Variants in PTBP3 observed in about 807,000 individuals in gnomAD.
The protein encoded by PTBP3 is polypyrimidine tract-binding protein 3.
PTBP3 carries 20 observed loss-of-function variants against 58.7 expected under a neutral mutation model. The ratio of observed to expected loss-of-function variants is 0.34; its 90% CI spans 0.24 to 0.50. The LOEUF (loss-of-function observed/expected upper bound fraction) is 0.50, where lower values mean the gene tolerates loss of function less well. PTBP3 is among the 20% of genes least tolerant of loss of function. PTBP3 has a pLI of 0.98. For synonymous variants in PTBP3, 185 were observed against 219.8 expected, an observed-to-expected ratio of 0.84 and a Z score of 1.40; for missense variants, 509 against 637.2, an observed-to-expected ratio of 0.80 and a Z score of 2.17.
chr9:112,312,117 A>C (rs766443980), intron 1 of PTBP3, among the ~76,000 whole-genome samples: 7 of 152,352 alleles, frequency 4.6e-5, no homozygotes, highest in Middle Eastern at 3.4e-3. Flanking sequence ...GTTAAAGAAT[A>C]AACTCTAGTC....
chr9:112,275,445 T>C (rs890136652), intron 3 of PTBP3, among the ~76,000 whole-genome samples: 4 of 152,218 alleles, frequency 2.6e-5, no homozygotes, highest in Non-Finnish European at 5.9e-5. Flanking sequence ...GACAATACTA[T>C]ACATTTTTAT....
intron 2 of PTBP3, among the ~76,000 whole-genome samples, chr9:112,290,025 A>C (rs906972646): frequency 6.6e-6 from 1 of 152,238 alleles, no homozygotes; most frequent in Admixed American, 6.5e-5. Flanking sequence ...AACATTTCTA[A>C]TAAGATGCAA....
chr9:112,284,478 T>G (rs1363981462), intron 2 of PTBP3, among the ~76,000 whole-genome samples: 1 of 152,144 alleles, frequency 6.6e-6, no homozygotes, highest in Non-Finnish European at 1.5e-5. Context: ...GGCAGATCAC[T>G]TGAGGCTGGG....
chr9:112,264,795 T>C (rs890755544), intron 4 of PTBP3, among the ~76,000 whole-genome samples: 2 of 152,224 alleles, frequency 1.3e-5, no homozygotes, highest in Non-Finnish European at 1.5e-5. Flanking sequence ...TCATTTAGGC[T>C]GGCTTTGGTT....
chr9:112,358,145 T>TA, the PTBP3 span, among the ~76,000 whole-genome samples: 3 of 151,682 alleles, frequency 2.0e-5, no homozygotes, highest in Admixed American at 6.6e-5. Context: ...CTGTCTCTAC[T>TA]AAAAAAAATA....
At chr9:112,252,490 C>T (rs534287247) in intron 6 of PTBP3, 188 bp downstream of exon 6, 1 of 567,024 alleles carries the variant, frequency 1.8e-6, no homozygotes, top group South Asian at 2.1e-5. Context: ...GAGACCGTTT[C>T]ATATGAAGTA....
At chr9:112,282,318 AAAC>A (rs1202632767) in intron 2 of PTBP3, among the ~76,000 whole-genome samples, 2 of 152,238 alleles carry the variant, frequency 1.3e-5, no homozygotes, top group Admixed American at 6.5e-5. Flanking sequence ...TTTACCACAT[AAAC>A]AACTACTGGT....
chr9:112,339,468 G>A, the PTBP3 span, among the ~76,000 whole-genome samples: 1,162 of 151,830 alleles, frequency 7.7e-3, 20 homozygotes, highest in African/African-American at 0.027. Context: ...TAACCTAGAA[G>A]TCTCCCAGAC....
chr9:112,339,261 A>T, the PTBP3 span, among the ~76,000 whole-genome samples: 2 of 132,308 alleles, frequency 1.5e-5, no homozygotes, highest in African/African-American at 2.8e-5. Context: ...ACTGCACTCC[A>T]GTCTGCCTGA....
intron 2 of PTBP3, among the ~76,000 whole-genome samples, chr9:112,290,738 A>ACACACACACACACACACACACT (rs1564438731): frequency 1.3e-5 from 2 of 148,494 alleles, no homozygotes; most frequent in African/African-American, 5.0e-5. Context: ...ACACACACAC[A>ACACACACACACACACACACACT]ATCAAGTGTT....
the PTBP3 span, among the ~76,000 whole-genome samples, chr9:112,354,916 T>C: frequency 1.3e-5 from 2 of 152,200 alleles, no homozygotes; most frequent in African/African-American, 4.8e-5. Context: ...GTCAAATGTT[T>C]CTCTTTCTCA....
At chr9:112,336,513 G>T (rs531161265), upstream of PTBP3, among the ~76,000 whole-genome samples, 29 of 42,156 alleles carry the variant, frequency 6.9e-4, no homozygotes, top group Admixed American at 6.2e-3. Context: ...GGGCATGGTG[G>T]CTCACACCTG....
At chr9:112,263,469 T>C (rs530715061) in intron 4 of PTBP3, among the ~76,000 whole-genome samples, 1 of 152,352 alleles carries the variant, frequency 6.6e-6, no homozygotes, top group African/African-American at 2.4e-5. Flanking sequence ...AAAAGAGCAT[T>C]ACTTCTGTGA....
At chr9:112,376,324 G>A in the PTBP3 span, among the ~76,000 whole-genome samples, 4 of 129,260 alleles carry the variant, frequency 3.1e-5, no homozygotes, top group South Asian at 5.3e-4. Context: ...CGTGGTCTCC[G>A]CTCACTGCAA....
intron 1 of PTBP3, among the ~76,000 whole-genome samples, chr9:112,304,067 T>C (rs1427256463): frequency 2.6e-5 from 4 of 151,792 alleles, no homozygotes; most frequent in Admixed American, 6.6e-5. Context: ...CTCGGGAGGC[T>C]GAGGCACGAG....
At chr9:112,271,035 C>T (rs1314859653) in intron 3 of PTBP3, among the ~76,000 whole-genome samples, 2 of 151,984 alleles carry the variant, frequency 1.3e-5, no homozygotes, top group Non-Finnish European at 2.9e-5. Context: ...CCATGTTGGC[C>T]AGGCTGGTCT....
At position 112,220,553 on chromosome 9, in the gene PTBP3, T is replaced by C. The variant is rs1834772961; in HGVS notation, c.*3298A>G. On this transcript the variant is annotated 3_prime_UTR_variant, in exon 14 of 14. Transcript: ENST00000374257. ...CTCCAAAAACTGAGCTCAGCAACTT[T>C]TAACAGTAAATCAGAAACATTACTT... 3.0e-6 allele frequency: 3 copies of C among 1,007,952 alleles called. No individual in the cohort carries two copies. Among genetic ancestry groups the C allele is most frequent in the Non-Finnish European group, 3.6e-6 (3 of 843,044 alleles). The allele number at this position is 1,007,952 out of a possible 1,614,324, so 62.4% of individuals were successfully genotyped here.
At chr9:112,258,504 C>T (rs912162116) in intron 5 of PTBP3, among the ~76,000 whole-genome samples, 6 of 151,704 alleles carry the variant, frequency 4.0e-5, no homozygotes, top group African/African-American at 1.5e-4. Flanking sequence ...ATGTTCAAAT[C>T]AAACTCCTGA....
In PTBP3 at chr9:112,329,446, T is replaced by C. The variant is rs142939941; in HGVS notation, c.-52+4024A>G. On this transcript the variant is annotated intron_variant, in intron 1 of 13. Transcript: ENST00000374257. ...AAAAATCCAATAAATGAAAAGACTT[T>C]GGTAAAACTGAAATGATTTATAACC... Among the ~76,000 whole-genome samples the C allele has an allele frequency of 7.1e-3, 1,083 of 152,194 alleles. 6 individuals carry two copies. The highest frequency in any genetic ancestry group is 0.02 in the Middle Eastern group (6 of 294).
Sources: gnomAD v4.1 joint callset for allele counts (sites outside exome capture counted in the v4.1 genomes callset) on GRCh38, gnomAD v4.1.1 for gene constraint, MANE v1.5 for transcripts, NCBI Gene and HGNC (gene_info 2026-07-23, HGNC 2026-07-21) for gene names.